Variants in ERMP1 observed in about 807,000 individuals in gnomAD.
The protein encoded by ERMP1 is Felix-ina.
In ERMP1, 86 loss-of-function variants were observed where a neutral mutation model predicts 92.0. The observed-to-expected ratio is 0.93, with a 90% CI of 0.79 to 1.12. The LOEUF is 1.12. Among genes scored for constraint, ERMP1 ranks in the 50% most tolerant of loss-of-function variants. The probability of loss-of-function intolerance (pLI) is 0.00; values close to 1 mark genes in which losing one functional copy is unlikely to be tolerated. For synonymous variants in ERMP1, 530 were observed against 412.8 expected, an observed-to-expected ratio of 1.28 and a Z score of -3.44; for missense variants, 1,342 against 1,116.3, an observed-to-expected ratio of 1.20 and a Z score of -2.88.
At chr9:5,856,841 T>G (rs61023580) in intron 6 of ERMP1, among the ~76,000 whole-genome samples, 4,451 of 152,286 alleles carry the variant, frequency 0.029, 229 homozygotes, top group African/African-American at 0.1. Context: ...CCAACAGCAC[T>G]GTAACTCATG....
chr9:5,836,530 GTGCTGT>G (rs1220516266), upstream of ERMP1, among the ~76,000 whole-genome samples: 1 of 152,244 alleles, frequency 6.6e-6, no homozygotes, highest in Non-Finnish European at 1.5e-5. Flanking sequence ...ATGTAGCTAG[GTGCTGT>G]TGCGGATAGC....
chr9:5,840,925 T>C (rs991786770), intron 6 of ERMP1, among the ~76,000 whole-genome samples: 1 of 152,264 alleles, frequency 6.6e-6, no homozygotes, highest in African/African-American at 2.4e-5. Context: ...CCAAGTTCTT[T>C]CATAGCAACC....
intron 7 of ERMP1, among the ~76,000 whole-genome samples, chr9:5,810,829 T>A (rs933921187): frequency 6.6e-6 from 1 of 152,230 alleles, no homozygotes; most frequent in Non-Finnish European, 1.5e-5. Context: ...GTGGACTTTT[T>A]AATGGGACTT....
chr9:5,811,514 T>C (rs914401369), intron 6 of ERMP1, among the ~76,000 whole-genome samples, 191 bp from the exon 7 acceptor site: 9 of 152,214 alleles, frequency 5.9e-5, no homozygotes, highest in Non-Finnish European at 1.2e-4. Context: ...TCACTTTTTT[T>C]ACTAAATTTC....
At position 5,787,117 on chromosome 9, in the gene ERMP1, G is replaced by C. The variant is rs1383706355; in HGVS notation, c.*27C>G. On this transcript the variant is annotated 3_prime_UTR_variant, in exon 15 of 15. Transcript: ENST00000339450. ...CCATGTCACATGGAGTATCCACTGG[G>C]CATGTACTTAGAGCTCATCCACAAG... is the stretch of plus-strand genomic sequence containing the variant. 1 of 1,597,756 alleles carries C rather than the reference G, an allele frequency of 6.3e-7. No homozygotes were observed. The highest frequency in any genetic ancestry group is 2.2e-5 in the East Asian group (1 of 44,792).
chr9:5,861,483 G>A (rs759044376), intron 5 of ERMP1, among the ~76,000 whole-genome samples: 10 of 152,082 alleles, frequency 6.6e-5, no homozygotes, highest in Non-Finnish European at 1.3e-4. Flanking sequence ...AGCCATGTGT[G>A]TCAATCTTGA....
At chr9:5,796,910 T>C (rs1019636510) in intron 13 of ERMP1, among the ~76,000 whole-genome samples, 1 of 152,190 alleles carries the variant, frequency 6.6e-6, no homozygotes, top group Non-Finnish European at 1.5e-5. Context: ...GTGTTAAAAC[T>C]GGTGCATCAG....
chr9:5,822,450 A>G lies in ERMP1; in HGVS notation c.874+1446T>C, dbSNP rs188958754. On this transcript the variant is annotated intron_variant, in intron 4 of 14. Transcript: ENST00000339450. ...CTCAAACGCTTAGCTAAAGTAAAAT[A>G]TACATACATTTTGAAAGATAAAAGA... Among the ~76,000 whole-genome samples the G allele has an allele frequency of 1.2e-4, 19 of 152,298 alleles. No homozygotes were observed. The East Asian group carries it at 2.5e-3, about 20-fold the overall frequency.
intron 10 of ERMP1, 50 bp from the exon 11 acceptor site, chr9:5,801,378 T>C (rs372256455): frequency 1.4e-5 from 22 of 1,561,482 alleles, no homozygotes; most frequent in Non-Finnish European, 1.7e-5. Flanking sequence ...ATTCTAGTGG[T>C]GGAAAGGTGT....
At chr9:5,797,363 G>C (rs1416399425) in intron 13 of ERMP1, among the ~76,000 whole-genome samples, 1 of 151,466 alleles carries the variant, frequency 6.6e-6, no homozygotes, top group Non-Finnish European at 1.5e-5. Flanking sequence ...GTCATAACCA[G>C]CTTTGGCCGG....
chr9:5,852,019 A>G (rs1054407010), intron 6 of ERMP1, among the ~76,000 whole-genome samples: 1 of 152,204 alleles, frequency 6.6e-6, no homozygotes, highest in Non-Finnish European at 1.5e-5. Context: ...CAAAGTAAAA[A>G]TGAAATCTAA....
chr9:5,815,788 T>C (rs1259188507), intron 4 of ERMP1, among the ~76,000 whole-genome samples: 1 of 152,036 alleles, frequency 6.6e-6, no homozygotes, highest in Non-Finnish European at 1.5e-5. Flanking sequence ...ACGATGAAAA[T>C]GTAGTATCAT....
chr9:5,801,120 C>G (rs1828654543), intron 11 of ERMP1, 56 bp downstream of exon 11: 22 of 1,553,968 alleles, frequency 1.4e-5, no homozygotes, highest in East Asian at 2.3e-5. Context: ...TACTGAAGCT[C>G]AAAACACACA....
rs550562108 is a variant in ERMP1, at chr9:5,856,278, T to C, written n.3199+3190A>G. On this transcript the variant is annotated intron_variant and non_coding_transcript_variant, in intron 6 of 6. Coordinates refer to the ERMP1 transcript ENST00000690753. ...ATGGTCTGGAACCGAAAGACTGTTC[T>C]CTGTTTATTGTTTTGCCATGTCAGT... 4.0e-5 allele frequency: 11 copies of C among 273,598 alleles called. No individual in the cohort carries two copies. In the South Asian group the frequency reaches 4.6e-4, roughly 11 times the overall value. The allele number at this position is 273,598 out of a possible 1,614,324, so 16.9% of individuals were successfully genotyped here. A position where few individuals can be genotyped will look rare whatever the true frequency, so the allele number is the denominator to read the frequency against.
Position 5,787,323 on chromosome 9 carries a change from C to CA in ERMP1, c.2551-16dup, listed in dbSNP as rs1827985266. ...TCTTCTGAAACCTGCCAGAGAAAAT[C>CA]AATTAGTTCTCCAGTTCTCAGAAGC... is the stretch of plus-strand genomic sequence containing the variant. On this transcript the variant is annotated splice_polypyrimidine_tract_variant and intron_variant, in intron 14 of 14. Coordinates refer to ENST00000339450, the MANE Select transcript of ERMP1 (RefSeq NM_024896.3). 1 of 1,609,368 alleles carries CA rather than the reference C, an allele frequency of 6.2e-7. No homozygotes were observed. Among genetic ancestry groups the CA allele is most frequent in the Non-Finnish European group, 8.5e-7 (1 of 1,178,064 alleles).
intron 8 of ERMP1, among the ~76,000 whole-genome samples, chr9:5,807,736 A>C (rs752124991): frequency 6.6e-6 from 1 of 151,808 alleles, no homozygotes; most frequent in Non-Finnish European, 1.5e-5. Context: ...ACAGAGTGAG[A>C]CTCTGTCTCA....
chr9:5,813,183 C>T, intron 4 of ERMP1, 148 bp from the exon 5 acceptor site: 1 of 734,024 alleles, frequency 1.4e-6, no homozygotes, highest in Non-Finnish European at 2.2e-6. Flanking sequence ...TCTGTAGTTT[C>T]CAATGTTTCT....
At chr9:5,831,937 G>C (rs531208149) in intron 1 of ERMP1, among the ~76,000 whole-genome samples, 55 of 152,244 alleles carry the variant, frequency 3.6e-4, no homozygotes, top group African/African-American at 1.3e-3. Flanking sequence ...TCCTTAATAA[G>C]CTTGCAACAC....
upstream of ERMP1, among the ~76,000 whole-genome samples, chr9:5,838,056 G>A (rs766623255): frequency 6.6e-6 from 1 of 151,986 alleles, no homozygotes; most frequent in Non-Finnish European, 1.5e-5. Context: ...CCAACATCAC[G>A]CACTGCCCTC....
Sources: allele counts gnomAD v4.1 joint callset (sites outside exome capture counted in the v4.1 genomes callset), GRCh38; gene constraint gnomAD v4.1.1; transcripts MANE v1.5; gene names NCBI Gene and HGNC (gene_info 2026-07-23, HGNC 2026-07-21).